ADAMTSL1: variants seen among roughly 807,000 people sequenced by gnomAD.
ADAMTSL1 encodes the protein ADAMTS like 1.
A neutral mutation model predicts 201.8 loss-of-function variants in ADAMTSL1; 126 were observed. The observed-to-expected ratio is 0.62, with a 90% CI of 0.54 to 0.72. The LOEUF is 0.72. Among genes scored for constraint, ADAMTSL1 ranks in the 30% least tolerant of loss-of-function variants. The pLI is 0.00. For missense variants in ADAMTSL1, 2,679 were observed against 2,277.8 expected, an observed-to-expected ratio of 1.18 and a Z score of -3.59; for synonymous variants, 1,121 against 903.4, an observed-to-expected ratio of 1.24 and a Z score of -4.32.
chr9:18,433,786 C>T (rs1819601370), intron 2 of ADAMTSL1, among the ~76,000 whole-genome samples: 1 of 152,136 alleles, frequency 6.6e-6, no homozygotes, highest in Non-Finnish European at 1.5e-5. Flanking sequence ...AATAGTTCCA[C>T]AAGTTTTAAC....
intron 1 of ADAMTSL1, among the ~76,000 whole-genome samples, chr9:18,133,191 G>A (rs1269578661): frequency 6.6e-6 from 1 of 152,102 alleles, no homozygotes; most frequent in Non-Finnish European, 1.5e-5. Context: ...AAGGAGTCAG[G>A]GTTCAGATTA....
At chr9:17,982,897 G>T (rs888807820) in intron 1 of ADAMTSL1, among the ~76,000 whole-genome samples, 1 of 151,656 alleles carries the variant, frequency 6.6e-6, no homozygotes, top group Non-Finnish European at 1.5e-5. Flanking sequence ...TTTTCTTAGA[G>T]CAGAGGTTCT....
chr9:18,285,548 G>T (rs1330044170), intron 2 of ADAMTSL1, among the ~76,000 whole-genome samples: 1 of 151,556 alleles, frequency 6.6e-6, no homozygotes, highest in African/African-American at 2.4e-5. Flanking sequence ...ATACTATTTT[G>T]GAAACTCTGT....
At chr9:18,044,403 G>C (rs1168722480) in intron 1 of ADAMTSL1, among the ~76,000 whole-genome samples, 1 of 152,172 alleles carries the variant, frequency 6.6e-6, no homozygotes, top group Non-Finnish European at 1.5e-5. Context: ...AGTGGACCAT[G>C]TGGTGGGATG....
At chr9:18,184,006 A>G (rs1828618408) in intron 2 of ADAMTSL1, among the ~76,000 whole-genome samples, 1 of 152,210 alleles carries the variant, frequency 6.6e-6, no homozygotes, top group Non-Finnish European at 1.5e-5. Flanking sequence ...GAATAAACTC[A>G]CCCTGTTGTC....
intron 1 of ADAMTSL1, among the ~76,000 whole-genome samples, chr9:17,924,398 C>G (rs1250190687): frequency 1.3e-5 from 2 of 152,102 alleles, no homozygotes; most frequent in Non-Finnish European, 1.5e-5. Flanking sequence ...TCTAGATTTT[C>G]TAGTTTATTT....
intron 2 of ADAMTSL1, among the ~76,000 whole-genome samples, chr9:18,532,895 A>G (rs1376005884): frequency 6.6e-6 from 1 of 151,950 alleles, no homozygotes. Flanking sequence ...TTTCAGTGAA[A>G]TATATCTTCA....
intron 9 of ADAMTSL1, among the ~76,000 whole-genome samples, chr9:18,670,497 C>T (rs1424735853): frequency 6.6e-6 from 1 of 152,236 alleles, no homozygotes; most frequent in Non-Finnish European, 1.5e-5. Flanking sequence ...CCATATCAGA[C>T]TGCCCTCTCT....
At chr9:18,436,092 A>G (rs1819718890) in intron 2 of ADAMTSL1, among the ~76,000 whole-genome samples, 2 of 152,354 alleles carry the variant, frequency 1.3e-5, no homozygotes, top group Middle Eastern at 6.8e-3. Context: ...CAGATTTAAC[A>G]GTAATAGAAT....
chr9:18,623,333 C>T (rs1214231272), intron 5 of ADAMTSL1, among the ~76,000 whole-genome samples: 2 of 151,948 alleles, frequency 1.3e-5, no homozygotes, highest in African/African-American at 4.8e-5. Flanking sequence ...ACCTCATGAG[C>T]AAAGTACTAT....
rs781607771 is a variant in ADAMTSL1, at chr9:18,889,608, C to G, written c.4503C>G (p.Ala1501=). ...TGGACAGACTGGCAACCTGCTCAGC[C>G]TCCTGTGGTAACCGGGGGGTTCAGC... The part of the protein sequence containing the change: ...WSVDRLATCS[A]SCGNRGVQQP... The change falls in exon 25 of 29, where the codon GCC becomes GCG. Residue 1501 remains alanine (A), a synonymous_variant. Coordinates refer to ENST00000380548, the MANE Select transcript of ADAMTSL1 (RefSeq NM_001040272.6). The G allele has an allele frequency of 6.2e-7, 1 of 1,613,860 alleles. No individual in the cohort carries two copies. Among genetic ancestry groups the G allele is most frequent in the South Asian group, 1.1e-5 (1 of 91,044 alleles).
At chr9:18,764,332 G>A (rs1194844942) in intron 16 of ADAMTSL1, among the ~76,000 whole-genome samples, 1 of 152,140 alleles carries the variant, frequency 6.6e-6, no homozygotes, top group African/African-American at 2.4e-5. Flanking sequence ...TTGGTATGTT[G>A]ATTTTGTACC....
At chr9:18,047,645 G>T (rs147008353) in intron 1 of ADAMTSL1, among the ~76,000 whole-genome samples, 6 of 152,274 alleles carry the variant, frequency 3.9e-5, no homozygotes, top group African/African-American at 7.2e-5. Flanking sequence ...CACTGGTTCT[G>T]CTCATCGTTT....
chr9:18,909,624 A>C lies in ADAMTSL1; in HGVS notation c.*1076A>C, dbSNP rs954481102. On this transcript the variant is annotated 3_prime_UTR_variant, in exon 29 of 29. Coordinates refer to ENST00000380548, the MANE Select transcript of ADAMTSL1 (RefSeq NM_001040272.6). The stretch of plus-strand genomic sequence containing the variant: ...GCCAGGGACTATGGTTAACTTATCA[A>C]CATCAACCCATTAACTAGTCACTGT... The C allele has an allele frequency of 1.3e-5, 2 of 151,426 alleles. No individual in the cohort carries two copies. The highest frequency in any genetic ancestry group is 4.9e-5 in the African/African-American group (2 of 40,986). The allele number at this position is 151,426 out of a possible 1,614,324, so 9.4% of individuals were successfully genotyped here.
chr9:18,889,319 CCCA>C (rs1259850203), intron 24 of ADAMTSL1, among the ~76,000 whole-genome samples: 1 of 152,136 alleles, frequency 6.6e-6, no homozygotes, highest in Non-Finnish European at 1.5e-5. Flanking sequence ...ATTTCCTGTC[CCCA>C]CAATAACTTG....
At chr9:18,230,710 T>A (rs938767324) in intron 2 of ADAMTSL1, among the ~76,000 whole-genome samples, 3 of 152,184 alleles carry the variant, frequency 2.0e-5, no homozygotes, top group African/African-American at 7.2e-5. Context: ...GTCTCAAACA[T>A]ACATGCATTA....
intron 4 of ADAMTSL1, among the ~76,000 whole-genome samples, chr9:18,598,716 G>C (rs1160959897): frequency 6.6e-6 from 1 of 152,118 alleles, no homozygotes; most frequent in African/African-American, 2.4e-5. Flanking sequence ...CAAACCCACT[G>C]CACCTGCACA....
chr9:18,794,399 T>A (rs1822239457), intron 19 of ADAMTSL1, among the ~76,000 whole-genome samples: 1 of 140,882 alleles, frequency 7.1e-6, no homozygotes, highest in Non-Finnish European at 1.5e-5. Flanking sequence ...AGCAAGACCC[T>A]GTCTCAAAAA....
At chr9:18,092,009 T>C (rs1198245962) in intron 1 of ADAMTSL1, among the ~76,000 whole-genome samples, 2 of 152,164 alleles carry the variant, frequency 1.3e-5, no homozygotes, top group Non-Finnish European at 2.9e-5. Context: ...AGTTTCTAAT[T>C]GTAATTTGAT....
Sources: allele counts gnomAD v4.1 joint callset (sites outside exome capture counted in the v4.1 genomes callset), GRCh38; gene constraint gnomAD v4.1.1; transcripts MANE v1.5; gene names NCBI Gene and HGNC (gene_info 2026-07-23, HGNC 2026-07-21).